The following UBR1 variants were observed in gnomAD, a reference collection of about 807,000 sequenced individuals.
The protein encoded by UBR1 is E3 ubiquitin-protein ligase UBR1.
A neutral mutation model predicts 242.1 loss-of-function variants in UBR1; 102 were observed. The ratio of observed to expected loss-of-function variants is 0.42; its 90% CI spans 0.36 to 0.50. The LOEUF (loss-of-function observed/expected upper bound fraction) is 0.50, where lower values mean the gene tolerates loss of function less well. Among genes scored for constraint, UBR1 ranks in the 20% least tolerant of loss-of-function variants. UBR1 has a pLI of 0.01. For missense variants in UBR1, 1,772 were observed against 2,101.8 expected (o/e 0.84, Z 3.07); for synonymous variants, 675 against 684.8 (o/e 0.99, Z 0.22).
chr15:42,954,714 C>T (rs960926418), intron 44 of UBR1, among the ~76,000 whole-genome samples: 26 of 152,200 alleles, frequency 1.7e-4, no homozygotes, highest in African/African-American at 4.3e-4. Flanking sequence ...CTACAGGATG[C>T]GCCAACATAC....
At chr15:43,007,312 G>A in intron 29 of UBR1, 28 bp from the exon 30 acceptor site, 1 of 1,610,444 alleles carries the variant, frequency 6.2e-7, no homozygotes, top group African/African-American at 1.3e-5. Flanking sequence ...CAGAAATGAG[G>A]ACACATGTTT....
At chr15:42,948,343 G>T (rs2031771896) in intron 46 of UBR1, among the ~76,000 whole-genome samples, 6 of 151,998 alleles carry the variant, frequency 3.9e-5, no homozygotes, top group Admixed American at 3.9e-4. Flanking sequence ...AGAAAACCTA[G>T]GCATTACCAT....
In UBR1 at chr15:42,960,814, G is replaced by T. The variant is rs988154756; in HGVS notation, c.4701-113C>A. The T allele has an allele frequency of 1.2e-5, 14 of 1,122,316 alleles. No individual in the cohort carries two copies. In the African/African-American group the frequency reaches 2.2e-4, roughly 17 times the overall value. 69.5% of individuals were successfully genotyped at this position (1,122,316 alleles called of 1,614,324 possible). ...GATGGATTCTCACTCTTTCGCCCAG[G>T]CTGGAGTACAGTGGCAGCAATCTCG... is the stretch of plus-strand genomic sequence containing the variant. On this transcript the variant is annotated intron_variant, in intron 42 of 46. Transcript: ENST00000290650.
At chr15:43,066,955 C>A (rs1235714259) in intron 6 of UBR1, among the ~76,000 whole-genome samples, 2 of 152,140 alleles carry the variant, frequency 1.3e-5, no homozygotes, top group African/African-American at 4.8e-5. Flanking sequence ...AAGATCTATT[C>A]ATGTGAACAT....
intron 27 of UBR1, among the ~76,000 whole-genome samples, chr15:43,018,488 T>C (rs1421363488): frequency 2.0e-5 from 3 of 152,120 alleles, no homozygotes; most frequent in Non-Finnish European, 4.4e-5. Context: ...CCTGGGCTCA[T>C]GCCATCTTCT....
At chr15:43,011,874 A>G (rs1192550036) in intron 29 of UBR1, 1 of 445,278 alleles carries the variant, frequency 2.2e-6, no homozygotes, top group East Asian at 7.1e-5. Context: ...TCAGATGAAT[A>G]AACTATTATA....
chr15:43,027,148 T>TA (rs1314715063), intron 22 of UBR1, among the ~76,000 whole-genome samples: 1 of 151,942 alleles, frequency 6.6e-6, no homozygotes, highest in African/African-American at 2.4e-5. Context: ...TCAAAAGGAG[T>TA]ACTCCATATT....
At chr15:42,988,592 A>T (rs951081724) in intron 35 of UBR1, 6 of 566,764 alleles carry the variant, frequency 1.1e-5, no homozygotes, top group African/African-American at 7.6e-5. Context: ...TTTTAAAAAT[A>T]TTTTTTTTAA....
chr15:43,056,864 A>G (rs919759959), intron 10 of UBR1, among the ~76,000 whole-genome samples: 1 of 152,226 alleles, frequency 6.6e-6, no homozygotes, highest in Non-Finnish European at 1.5e-5. Flanking sequence ...AAAACCAACC[A>G]ATCAGATTGA....
At chr15:43,087,384 G>A (rs753131885) in intron 1 of UBR1, among the ~76,000 whole-genome samples, 6 of 151,618 alleles carry the variant, frequency 4.0e-5, no homozygotes, top group Admixed American at 2.6e-4. Context: ...CAGCCTGGGC[G>A]ACAGAGTGAG....
rs2033335014 is a variant in UBR1, at chr15:43,036,343, AG to A, written c.2089-65del. 4.8e-6 allele frequency: 7 copies of A among 1,468,572 alleles called. No homozygotes were observed. The East Asian group carries it at 1.6e-4, about 33-fold the overall frequency. 91.0% of individuals were successfully genotyped at this position (1,468,572 alleles called of 1,614,324 possible). ...TATGGAGAAACATTTTGTCTCATGT[AG>A]GACTGTCAAAAATTAAAAAGTTTGC... On this transcript the variant is annotated intron_variant, in intron 18 of 46. Transcript: ENST00000290650.
intron 39 of UBR1, among the ~76,000 whole-genome samples, chr15:42,973,337 CCAGG>C (rs2032236760): frequency 6.6e-6 from 1 of 152,092 alleles, no homozygotes; most frequent in Non-Finnish European, 1.5e-5. Context: ...TGTTCCGTTG[CCAGG>C]ATGGAGTGCA....
In UBR1 at chr15:43,071,672, C is replaced by T. The variant is rs78479772; in HGVS notation, c.529-747G>A. Among the ~76,000 whole-genome samples the T allele has an allele frequency of 5.8e-3, 889 of 152,248 alleles. 9 individuals are homozygous for T. Among genetic ancestry groups the T allele is most frequent in the African/African-American group, 0.02 (841 of 41,538 alleles). ...AAGGAACCCATCTAAGATCACAGAG[C>T]TTACAAATAGCAGAAACATGACTAA... On this transcript the variant is annotated intron_variant, in intron 4 of 46. Coordinates refer to ENST00000290650, the MANE Select transcript of UBR1 (RefSeq NM_174916.3).
At chr15:42,952,228 T>C (rs1329630352) in intron 45 of UBR1, 50 bp downstream of exon 45, 1 of 1,612,448 alleles carries the variant, frequency 6.2e-7, no homozygotes, top group Non-Finnish European at 8.5e-7. Context: ...CCAGATTGGA[T>C]CCAGATTCCT....
At chr15:42,961,880 G>A (rs950599216) in intron 42 of UBR1, among the ~76,000 whole-genome samples, 6 of 150,996 alleles carry the variant, frequency 4.0e-5, no homozygotes, top group Non-Finnish European at 8.8e-5. Context: ...TCAGCCTCTT[G>A]AGTAGCTGGG....
rs138795049 is a variant in UBR1 at position 42,989,898 on chromosome 15, C to A, written c.3848+132G>T. Reference sequence around the variant, plus strand: ...ATTTTGTTAATACAAATAAAACAAACGAGAAAGAAACAAGATAATGGGATA... The same window carrying A: ...ATTTTGTTAATACAAATAAAACAAAAGAGAAAGAAACAAGATAATGGGATA... On this transcript the variant is annotated intron_variant, in intron 34 of 46. Coordinates refer to ENST00000290650, the MANE Select transcript of UBR1 (RefSeq NM_174916.3). 9.6e-6 allele frequency: 7 copies of A among 726,748 alleles called. No homozygotes were observed. In the African/African-American group the frequency reaches 1.3e-4, roughly 13 times the overall value. 45.0% of individuals were successfully genotyped at this position (726,748 alleles called of 1,614,324 possible). A position where few individuals can be genotyped will look rare whatever the true frequency, so the allele number is the denominator to read the frequency against.
chr15:42,944,793 G>A lies in UBR1; in HGVS notation c.*536C>T, dbSNP rs532150163. 1.2e-5 allele frequency: 2 copies of A among 170,494 alleles called. No homozygotes were observed. The highest frequency in any genetic ancestry group is 2.5e-5 in the Non-Finnish European group (2 of 79,458). 10.6% of individuals were successfully genotyped at this position (170,494 alleles called of 1,614,324 possible). On this transcript the variant is annotated 3_prime_UTR_variant, in exon 47 of 47. Coordinates refer to ENST00000290650, the MANE Select transcript of UBR1 (RefSeq NM_174916.3). ...GTTTAATTTGTGGTGATAGCAGCAG[G>A]TGGCACATTAGGGGTATTTCCTTAA...
At chr15:43,099,773 A>G (rs2034205338) in intron 1 of UBR1, among the ~76,000 whole-genome samples, 1 of 152,214 alleles carries the variant, frequency 6.6e-6, no homozygotes, top group Non-Finnish European at 1.5e-5. Context: ...TCTAGAAGGA[A>G]AGACACATAG....
intron 10 of UBR1, among the ~76,000 whole-genome samples, chr15:43,057,950 C>T (rs993636609): frequency 2.0e-5 from 3 of 150,632 alleles, no homozygotes; most frequent in Non-Finnish European, 2.9e-5. Context: ...CACTCTGTTG[C>T]CCAGACTAGA....
Sources: allele counts gnomAD v4.1 joint callset (sites outside exome capture counted in the v4.1 genomes callset), GRCh38; gene constraint gnomAD v4.1.1; transcripts MANE v1.5; gene names NCBI Gene and HGNC (gene_info 2026-07-23, HGNC 2026-07-21).